The following DOCK4 variants were observed in gnomAD, a reference collection of about 807,000 sequenced individuals.
DOCK4 encodes the protein dedicator of cytokinesis protein 4.
A neutral mutation model predicts 268.1 loss-of-function variants in DOCK4; 97 were observed. The ratio of observed to expected loss-of-function variants is 0.36; its 90% CI spans 0.31 to 0.43. DOCK4 has a LOEUF of 0.43. Ranked by LOEUF, DOCK4 falls within the 20% of genes least tolerant of loss-of-function variation. DOCK4 has a pLI of 1.00. For missense variants in DOCK4, 2,145 were observed against 2,455.7 expected, an observed-to-expected ratio of 0.87 and a Z score of 2.67; for synonymous variants, 954 against 887.2, an observed-to-expected ratio of 1.08 and a Z score of -1.34.
rs181180606 is a variant in DOCK4 at position 111,778,326 on chromosome 7, C to T, written c.3629G>A (p.Arg1210His). ...CAGATCATAGAGTTTGTGAATGTAG[C>T]GTATATACATCTCCTCCTTGTTCAG... is the stretch of plus-strand genomic sequence containing the variant. ...TELNKEEMYI[R>H]YIHKLYDLHL... The change falls in exon 36 of 53, where the codon CGC becomes CAC. Residue 1210 changes from arginine (R) to histidine (H), a missense_variant. This residue lies in a region of DOCK4 where 1,598 missense variants were observed against 1,986.7 expected (regional missense o/e 0.80). Transcript: ENST00000428084. The T allele has an allele frequency of 1.9e-6, 3 of 1,612,850 alleles. No homozygotes were observed. The highest frequency in any genetic ancestry group is 2.2e-5 in the East Asian group (1 of 44,778).
chr7:112,174,998 T>C (rs565151275), intron 1 of DOCK4, among the ~76,000 whole-genome samples: 2 of 148,710 alleles, frequency 1.3e-5, no homozygotes, highest in Admixed American at 6.9e-5. Flanking sequence ...TGGAGTGCAG[T>C]GGCGCGATCT....
intron 25 of DOCK4, 94 bp from the exon 26 acceptor site, chr7:111,834,780 G>C (rs1803108277): frequency 1.3e-6 from 1 of 793,090 alleles, no homozygotes; most frequent in Non-Finnish European, 1.9e-6. Context: ...AAAGAGAATA[G>C]GTTAAAATGA....
At chr7:112,091,895 G>C (rs1809667287) in intron 1 of DOCK4, among the ~76,000 whole-genome samples, 1 of 152,194 alleles carries the variant, frequency 6.6e-6, no homozygotes, top group Non-Finnish European at 1.5e-5. Context: ...GTTTGTTTCT[G>C]AGTATCAGAA....
intron 30 of DOCK4, among the ~76,000 whole-genome samples, chr7:111,793,357 G>A (rs1799681444): frequency 1.3e-5 from 2 of 152,274 alleles, no homozygotes; most frequent in South Asian, 4.1e-4. Context: ...CCTCAACAAG[G>A]CATTACAGCA....
intron 1 of DOCK4, among the ~76,000 whole-genome samples, chr7:112,108,478 G>A (rs55894510): frequency 0.044 from 6,761 of 152,228 alleles, 199 homozygotes; most frequent in South Asian, 0.12. Context: ...GAATAAACAA[G>A]AGAGTGTAAT....
At chr7:111,977,683 A>G (rs576232435) in intron 7 of DOCK4, among the ~76,000 whole-genome samples, 20 of 152,352 alleles carry the variant, frequency 1.3e-4, no homozygotes, top group African/African-American at 4.8e-4. Context: ...TCCCAAGATG[A>G]GAACAAATTA....
intron 42 of DOCK4, among the ~76,000 whole-genome samples, chr7:111,752,737 C>T (rs2133529621): frequency 6.6e-6 from 1 of 151,672 alleles, no homozygotes; most frequent in South Asian, 2.1e-4. Context: ...CAGGTGCGTG[C>T]CACCATGCCC....
intron 1 of DOCK4, among the ~76,000 whole-genome samples, chr7:112,164,188 C>T (rs904708895): frequency 6.6e-6 from 1 of 152,062 alleles, no homozygotes; most frequent in Admixed American, 6.6e-5. Flanking sequence ...GGGAGAATTG[C>T]TTGAGCCAGA....
chr7:112,168,132 A>G (rs1817763950), intron 1 of DOCK4, among the ~76,000 whole-genome samples: 1 of 152,206 alleles, frequency 6.6e-6, no homozygotes, highest in Non-Finnish European at 1.5e-5. Flanking sequence ...GTACTTAACT[A>G]GTAAAAATCA....
chr7:111,905,851 A>T (rs1205800312), intron 13 of DOCK4, among the ~76,000 whole-genome samples: 1 of 152,150 alleles, frequency 6.6e-6, no homozygotes, highest in Non-Finnish European at 1.5e-5. Flanking sequence ...ACTGTTGATG[A>T]TGTTGTTAAT....
intron 1 of DOCK4, among the ~76,000 whole-genome samples, chr7:112,050,687 C>G (rs558456354): frequency 6.6e-6 from 1 of 152,180 alleles, no homozygotes; most frequent in Non-Finnish European, 1.5e-5. Context: ...AGAGAAAGCT[C>G]TAGCTTCCAG....
chr7:112,124,176 C>T (rs1025882357), intron 1 of DOCK4, among the ~76,000 whole-genome samples: 2 of 152,068 alleles, frequency 1.3e-5, no homozygotes, highest in Non-Finnish European at 2.9e-5. Context: ...AATACTGCAT[C>T]ACCACACTCG....
At chr7:111,844,184 G>A (rs1178709646) in intron 25 of DOCK4, among the ~76,000 whole-genome samples, 1 of 152,158 alleles carries the variant, frequency 6.6e-6, no homozygotes, top group Non-Finnish European at 1.5e-5. Context: ...CTGAGGCACG[G>A]AGAATTACTT....
chr7:111,805,283 G>A (rs1800590290), intron 30 of DOCK4, among the ~76,000 whole-genome samples: 1 of 152,166 alleles, frequency 6.6e-6, no homozygotes, highest in African/African-American at 2.4e-5. Flanking sequence ...CTCCAAGACT[G>A]AGGCGACAGC....
intron 8 of DOCK4, among the ~76,000 whole-genome samples, chr7:111,946,017 T>C (rs1005665437): frequency 2.0e-5 from 3 of 152,216 alleles, no homozygotes; most frequent in African/African-American, 7.2e-5. Flanking sequence ...AGAAAGCACC[T>C]ATATACAAAC....
At chr7:111,812,914 G>A (rs1801248149) in intron 27 of DOCK4, among the ~76,000 whole-genome samples, 1 of 152,196 alleles carries the variant, frequency 6.6e-6, no homozygotes, top group African/African-American at 2.4e-5. Context: ...ACAGCCATAG[G>A]TAGCTCGCTG....
rs1473732742 is a variant in DOCK4 at position 111,728,408 on chromosome 7, G to T, written c.5794C>A (p.Pro1932Thr). The change falls in exon 53 of 53, where the codon CCC becomes ACC. Residue 1932 changes from proline to threonine, a missense_variant. By Grantham distance (38) the Pro-to-Thr change is conservative. Transcript: ENST00000428084. Reference sequence around the variant, plus strand: ...AGCGCGGGCGGCTCCGACGTGACGGGGATGGAGAGGCTGTGAGGTAGCGGG... The same window carrying T: ...AGCGCGGGCGGCTCCGACGTGACGGTGATGGAGAGGCTGTGAGGTAGCGGG... ...PVPLPHSLSI[P>T]VTSEPPALPP... The T allele has an allele frequency of 6.4e-7, 1 of 1,572,228 alleles. No homozygotes were observed. The highest frequency in any genetic ancestry group is 1.2e-5 in the South Asian group (1 of 83,724).
intron 1 of DOCK4, among the ~76,000 whole-genome samples, chr7:112,105,521 A>C (rs1811059895): frequency 6.6e-6 from 1 of 151,696 alleles, no homozygotes; most frequent in South Asian, 2.1e-4. Flanking sequence ...ACTACGTTTC[A>C]AATGTGGTTT....
chr7:111,822,553 T>G (rs1802075136), intron 26 of DOCK4, 97 bp from the exon 27 acceptor site: 3 of 1,057,804 alleles, frequency 2.8e-6, no homozygotes, highest in Admixed American at 4.3e-5. Context: ...TGTTACCATT[T>G]CCAAAGCAAT....
Sources: gnomAD v4.1 joint callset for allele counts (sites outside exome capture counted in the v4.1 genomes callset) on GRCh38, gnomAD v4.1.1 for gene constraint, gnomAD v4.1.1 regional missense constraint, MANE v1.5 for transcripts, NCBI Gene and HGNC (gene_info 2026-07-23, HGNC 2026-07-21) for gene names.